CHL1: variants seen among roughly 807,000 people sequenced by gnomAD.
CHL1 encodes the protein cell adhesion molecule L1 like.
A neutral mutation model predicts 141.9 loss-of-function variants in CHL1; 96 were observed. The observed-to-expected ratio is 0.68, with a 90% CI of 0.57 to 0.80. CHL1 has a LOEUF of 0.80. Ranked by LOEUF, CHL1 falls within the 30% of genes least tolerant of loss-of-function variation. The probability of loss-of-function intolerance (pLI) is 0.00; values close to 1 mark genes in which losing one functional copy is unlikely to be tolerated. For synonymous variants in CHL1, 613 were observed against 502.2 expected, an observed-to-expected ratio of 1.22 and a Z score of -2.95; for missense variants, 1,820 against 1,457.2, an observed-to-expected ratio of 1.25 and a Z score of -4.05.
chr3:319,226 G>T (rs1218260117), intron 2 of CHL1, among the ~76,000 whole-genome samples: 1 of 121,914 alleles, frequency 8.2e-6, no homozygotes, highest in African/African-American at 3.6e-5. Flanking sequence ...TACTAGATGG[G>T]GGAGGGTAAG....
intron 15 of CHL1, among the ~76,000 whole-genome samples, chr3:372,073 G>C (rs1705708792): frequency 6.6e-6 from 1 of 152,060 alleles, no homozygotes; most frequent in South Asian, 2.1e-4. Flanking sequence ...AGAATCTGAT[G>C]ATTATGTGTC....
chr3:236,258 T>A (rs558368892), intron 1 of CHL1, among the ~76,000 whole-genome samples: 1 of 152,308 alleles, frequency 6.6e-6, no homozygotes, highest in South Asian at 2.1e-4. Flanking sequence ...GTGACACAGC[T>A]AGTAAGTGGC....
chr3:399,024 T>G lies in CHL1; in HGVS notation c.3261T>G (p.Ala1087=). Residue 1087 remains alanine, a synonymous_variant, in exon 26 of 28, where the codon GCT becomes GCG. Coordinates refer to ENST00000256509, the MANE Select transcript of CHL1 (RefSeq NM_006614.4). ...CTTCTCTTTCTACCACAGAATATGC[T>G]GGTTTATATGATGACATCTCCACTC... ...DVIETRGREY[A]GLYDDISTQG... 1 of 1,613,508 alleles carries G rather than the reference T, an allele frequency of 6.2e-7. No individual in the cohort carries two copies. The highest frequency in any genetic ancestry group is 1.7e-5 in the Admixed American group (1 of 60,026).
intron 1 of CHL1, among the ~76,000 whole-genome samples, chr3:222,378 G>A (rs1419819705): frequency 6.6e-6 from 1 of 152,058 alleles, no homozygotes; most frequent in Non-Finnish European, 1.5e-5. Context: ...GAAAAATGAA[G>A]CCACAATAAG....
chr3:333,461 C>G (rs1575092289), intron 5 of CHL1, among the ~76,000 whole-genome samples: 1 of 152,082 alleles, frequency 6.6e-6, no homozygotes, highest in African/African-American at 2.4e-5. Context: ...GTCCAGTTTT[C>G]TATTTTCAAC....
chr3:364,036 G>A (rs1051406567), intron 14 of CHL1: 3 of 152,106 alleles, frequency 2.0e-5, no homozygotes, highest in Admixed American at 2.0e-4. Context: ...AGATAAGGGA[G>A]AGCATATTTG....
In CHL1 at chr3:382,236, G is replaced by A. The variant is rs1273690025; in HGVS notation, c.1934G>A (p.Arg645Gln). ...TCTGAAAGACAGAACAGGAGTGTTC[G>A]GCTGACCTGGGAAGCTGGAGCTGAC... ...HLSERQNRSV[R>Q]LTWEAGADHN... Residue 645 changes from arginine to glutamine, a missense_variant, in exon 17 of 28, where the codon CGG becomes CAG. Arg to Gln is a conservative substitution (Grantham distance 43). Transcript: ENST00000256509. 1.2e-5 allele frequency: 19 copies of A among 1,613,610 alleles called. No individual in the cohort carries two copies. The African/African-American group carries it at 1.3e-4, about 11-fold the overall frequency.
In CHL1 at chr3:389,424, T is replaced by C; in HGVS notation, c.2420T>C (p.Leu807Pro). 1 of 1,614,192 alleles carries C rather than the reference T, an allele frequency of 6.2e-7. No homozygotes were observed. Among genetic ancestry groups the C allele is most frequent in the Non-Finnish European group, 8.5e-7 (1 of 1,180,024 alleles). ...GTCAAGGTCCAGGCTATCAATCAAC[T>C]AGGATCTGGGCCTGACCCTCAGTCA... ...YDVKVQAINQ[L>P]GSGPDPQSVT... The change falls in exon 20 of 28, where the codon CTA becomes CCA. Residue 807 changes from leucine (L) to proline (P), a missense_variant. Transcript: ENST00000256509.
chr3:390,726 T>C lies in CHL1; in HGVS notation c.2496T>C (p.His832=). 6.2e-7 allele frequency: 1 copy of C among 1,603,200 alleles called. No individual in the cohort carries two copies. Among genetic ancestry groups the C allele is most frequent in the African/African-American group, 1.3e-5 (1 of 74,802 alleles). Residue 832 remains histidine (H), a synonymous_variant, in exon 21 of 28, where the codon CAT becomes CAC. Coordinates refer to ENST00000256509, the MANE Select transcript of CHL1 (RefSeq NM_006614.4). ...ATCCTGATACAGCTCCAGTGATCCATGGGGTGGACGTTATAAACAGTACAT... is the reference window on the plus strand; with the variant it reads ...ATCCTGATACAGCTCCAGTGATCCACGGGGTGGACGTTATAAACAGTACAT... ...EDYPDTAPVI[H]GVDVINSTLV...
At chr3:238,427 A>T (rs13070819) in intron 1 of CHL1, among the ~76,000 whole-genome samples, 14 of 40,070 alleles carry the variant, frequency 3.5e-4, no homozygotes, top group Admixed American at 7.5e-4. Context: ...GAAAAAAAAT[A>T]AAAAAAATAG....
intron 2 of CHL1, among the ~76,000 whole-genome samples, chr3:295,772 T>G (rs1698133618): frequency 6.6e-6 from 1 of 152,244 alleles, no homozygotes; most frequent in East Asian, 1.9e-4. Context: ...GTGGCTTTTC[T>G]TTTGTACTTC....
chr3:369,540 T>A (rs1705353012), intron 15 of CHL1, among the ~76,000 whole-genome samples: 1 of 152,264 alleles, frequency 6.6e-6, no homozygotes, highest in African/African-American at 2.4e-5. Context: ...TCATGTCATC[T>A]GCAAACAGAC....
intron 16 of CHL1, among the ~76,000 whole-genome samples, chr3:381,831 C>G (rs1707078770): frequency 6.6e-6 from 1 of 152,062 alleles, no homozygotes; most frequent in Admixed American, 6.6e-5. Context: ...TGGTGAGAGT[C>G]TGGGTTCCAG....
intron 2 of CHL1, among the ~76,000 whole-genome samples, chr3:248,926 C>T (rs1453522113): frequency 6.6e-6 from 1 of 152,090 alleles, no homozygotes; most frequent in Non-Finnish European, 1.5e-5. Flanking sequence ...ATAAAATGTC[C>T]ATGAAAATAT....
Position 341,907 on chromosome 3 carries a change from T to C in CHL1, c.509-5T>C. 3 of 1,574,074 alleles carry C rather than the reference T, an allele frequency of 1.9e-6. No homozygotes were observed. On this transcript the variant is annotated splice_region_variant and splice_polypyrimidine_tract_variant and intron_variant, in intron 6 of 27. Coordinates refer to ENST00000256509, the MANE Select transcript of CHL1 (RefSeq NM_006614.4). Reference sequence around the variant, plus strand: ...CCTTTTCAATGGCAAGATATCTCTTTTCAGAATTAGAACACATCGAACAAG... The same window carrying C: ...CCTTTTCAATGGCAAGATATCTCTTCTCAGAATTAGAACACATCGAACAAG...
chr3:405,234 A>G (rs765099482), intron 27 of CHL1, among the ~76,000 whole-genome samples: 3 of 152,174 alleles, frequency 2.0e-5, no homozygotes, highest in Non-Finnish European at 2.9e-5. Flanking sequence ...AAGCTGCTCA[A>G]TTTTAAAGAG....
At chr3:310,210 A>G (rs1314560459) in intron 2 of CHL1, among the ~76,000 whole-genome samples, 1 of 152,132 alleles carries the variant, frequency 6.6e-6, no homozygotes, top group Non-Finnish European at 1.5e-5. Flanking sequence ...TGGGAGGATC[A>G]TTTAAGGCCA....
chr3:337,185 G>T (rs373532276), intron 5 of CHL1, among the ~76,000 whole-genome samples: 1,600 of 80,990 alleles, frequency 0.02, 21 homozygotes, highest in African/African-American at 0.026. Flanking sequence ...ACATTCTTTT[G>T]TTTTTGTTTT....
At chr3:367,194 C>T (rs188895064) in intron 15 of CHL1, among the ~76,000 whole-genome samples, 9 of 152,334 alleles carry the variant, frequency 5.9e-5, no homozygotes, top group African/African-American at 1.4e-4. Flanking sequence ...GTCAGCTTCG[C>T]GTCCTTTTGC....
Sources: gnomAD v4.1 joint callset for allele counts (sites outside exome capture counted in the v4.1 genomes callset) on GRCh38, gnomAD v4.1.1 for gene constraint, MANE v1.5 for transcripts, NCBI Gene and HGNC (gene_info 2026-07-23, HGNC 2026-07-21) for gene names.